MAPKAP1: variants seen among roughly 807,000 people sequenced by gnomAD.
MAPKAP1 encodes the protein MAPK associated protein 1.
A neutral mutation model predicts 65.7 loss-of-function variants in MAPKAP1; 20 were observed. That is an observed-to-expected ratio of 0.30 (90% confidence interval 0.21 to 0.44). MAPKAP1 has a LOEUF of 0.44. MAPKAP1 is among the 20% of genes least tolerant of loss of function. The probability of loss-of-function intolerance (pLI) is 1.00; values close to 1 mark genes in which losing one functional copy is unlikely to be tolerated. For missense variants in MAPKAP1, 423 were observed against 648.0 expected, an observed-to-expected ratio of 0.65 and a Z score of 3.77; for synonymous variants, 222 against 244.3, an observed-to-expected ratio of 0.91 and a Z score of 0.85.
At chr9:125,528,192 A>G (rs972983407) in intron 7 of MAPKAP1, among the ~76,000 whole-genome samples, 6 of 152,164 alleles carry the variant, frequency 3.9e-5, no homozygotes, top group African/African-American at 1.4e-4. Context: ...TGGCAAGATC[A>G]GTGTATTTGG....
At chr9:125,492,335 C>T (rs544568583) in intron 8 of MAPKAP1, among the ~76,000 whole-genome samples, 2 of 152,286 alleles carry the variant, frequency 1.3e-5, no homozygotes, top group South Asian at 2.1e-4. Flanking sequence ...GTTTTCATTG[C>T]CCCTGATATC....
At chr9:125,625,243 A>AAT (rs1554833059) in intron 4 of MAPKAP1, among the ~76,000 whole-genome samples, 10 of 101,108 alleles carry the variant, frequency 9.9e-5, no homozygotes, top group Admixed American at 2.3e-4. Flanking sequence ...CAATAAAAAA[A>AAT]AAATAAATAA....
chr9:125,468,885 G>C (rs1465291811), intron 9 of MAPKAP1, among the ~76,000 whole-genome samples: 1 of 152,162 alleles, frequency 6.6e-6, no homozygotes, highest in African/African-American at 2.4e-5. Context: ...ATAGTGACCG[G>C]GAATAAAGGT....
At chr9:125,671,308 A>G (rs997232332) in intron 2 of MAPKAP1, among the ~76,000 whole-genome samples, 1 of 152,262 alleles carries the variant, frequency 6.6e-6, no homozygotes, top group Admixed American at 6.5e-5. Flanking sequence ...CTTATGTCAC[A>G]GATACTGAAT....
At chr9:125,509,670 C>T (rs1274319633) in intron 7 of MAPKAP1, among the ~76,000 whole-genome samples, 1 of 152,162 alleles carries the variant, frequency 6.6e-6, no homozygotes, top group Non-Finnish European at 1.5e-5. Context: ...GACTGTCGGG[C>T]TTCTCAAGCT....
chr9:125,574,565 G>C (rs552291039), intron 5 of MAPKAP1, among the ~76,000 whole-genome samples: 1 of 152,298 alleles, frequency 6.6e-6, no homozygotes, highest in Admixed American at 6.5e-5. Flanking sequence ...AGAACATACT[G>C]AAGAGTTCAA....
intron 1 of MAPKAP1, among the ~76,000 whole-genome samples, chr9:125,704,412 T>C (rs1307259271): frequency 3.3e-5 from 5 of 152,226 alleles, no homozygotes; most frequent in Non-Finnish European, 7.3e-5. Flanking sequence ...CTCAGTGTTC[T>C]ATGGTACCTC....
At chr9:125,704,317 T>A (rs1177525638) in intron 1 of MAPKAP1, among the ~76,000 whole-genome samples, 1 of 152,160 alleles carries the variant, frequency 6.6e-6, no homozygotes, top group Non-Finnish European at 1.5e-5. Flanking sequence ...TAACACCTTC[T>A]CACACGAGAA....
At chr9:125,607,131 A>C (rs1192420029) in intron 4 of MAPKAP1, among the ~76,000 whole-genome samples, 1 of 152,196 alleles carries the variant, frequency 6.6e-6, no homozygotes. Context: ...CAAACACTCC[A>C]ATAGTTTCTA....
At chr9:125,568,917 T>TA (rs34875434) in intron 5 of MAPKAP1, 395 of 175,932 alleles carry the variant, frequency 2.2e-3, no homozygotes, top group South Asian at 3.5e-3. Context: ...ATGAATGGTT[T>TA]AAAAAAAAAA....
intron 4 of MAPKAP1, among the ~76,000 whole-genome samples, chr9:125,643,475 G>A (rs1337576193): frequency 6.6e-6 from 1 of 152,158 alleles, no homozygotes; most frequent in African/African-American, 2.4e-5. Flanking sequence ...GATGACAGGT[G>A]TGAGCCACTG....
At chr9:125,698,334 T>C (rs371022958) in intron 1 of MAPKAP1, among the ~76,000 whole-genome samples, 1 of 112,236 alleles carries the variant, frequency 8.9e-6, no homozygotes, top group Non-Finnish European at 1.8e-5. Context: ...TATATATATA[T>C]ATAAAATATA....
chr9:125,472,308 G>C (rs1853952948), intron 9 of MAPKAP1, among the ~76,000 whole-genome samples: 2 of 152,196 alleles, frequency 1.3e-5, no homozygotes, highest in South Asian at 4.1e-4. Flanking sequence ...GCTCTGCACA[G>C]CCTCAGCCGT....
intron 4 of MAPKAP1, among the ~76,000 whole-genome samples, chr9:125,634,591 C>T (rs1384863488): frequency 2.0e-5 from 3 of 152,132 alleles, no homozygotes; most frequent in Non-Finnish European, 4.4e-5. Flanking sequence ...GTTTCACTTC[C>T]CTTCCAACTA....
chr9:125,587,012 TAC>T (rs1831808942), intron 4 of MAPKAP1, among the ~76,000 whole-genome samples: 3 of 152,220 alleles, frequency 2.0e-5, no homozygotes, highest in Admixed American at 2.0e-4. Context: ...ATGGGGAACG[TAC>T]AGTCTTTTCA....
chr9:125,488,869 C>T (rs970617985), intron 8 of MAPKAP1, among the ~76,000 whole-genome samples: 7 of 152,178 alleles, frequency 4.6e-5, no homozygotes, highest in African/African-American at 1.7e-4. Context: ...AAAAATGGTG[C>T]CTGCAATAGA....
intron 9 of MAPKAP1, among the ~76,000 whole-genome samples, chr9:125,474,759 C>T (rs1206437404): frequency 1.3e-5 from 2 of 152,216 alleles, no homozygotes; most frequent in African/African-American, 4.8e-5. Flanking sequence ...TTCCTGTTAT[C>T]ATTTGCTCAG....
chr9:125,516,618 A>G (rs1475302389), intron 7 of MAPKAP1, among the ~76,000 whole-genome samples: 3 of 152,134 alleles, frequency 2.0e-5, no homozygotes, highest in African/African-American at 7.2e-5. Flanking sequence ...GAACTACCCA[A>G]TGTTTTACAA....
At chr9:125,638,916 G>T (rs1319311450) in intron 4 of MAPKAP1, among the ~76,000 whole-genome samples, 5 of 152,186 alleles carry the variant, frequency 3.3e-5, no homozygotes, top group Admixed American at 3.3e-4. Context: ...ATCTGGCTGA[G>T]AATTAACCTC....
Sources: gnomAD v4.1 joint callset for allele counts (sites outside exome capture counted in the v4.1 genomes callset) on GRCh38, gnomAD v4.1.1 for gene constraint, MANE v1.5 for transcripts, NCBI Gene and HGNC (gene_info 2026-07-23, HGNC 2026-07-21) for gene names.